EZR: variants seen among roughly 807,000 people sequenced by gnomAD.
The protein encoded by EZR is cytovillin 2.
In EZR, 40 loss-of-function variants were observed where a neutral mutation model predicts 74.8. The observed-to-expected ratio is 0.53, with a 90% CI of 0.42 to 0.70. The LOEUF (loss-of-function observed/expected upper bound fraction) is 0.70. Ranked by LOEUF, EZR falls within the 30% of genes least tolerant of loss-of-function variation. The pLI is 0.00. For missense variants in EZR, 678 were observed against 755.8 expected, an observed-to-expected ratio of 0.90 and a Z score of 1.21; for synonymous variants, 341 against 283.3, an observed-to-expected ratio of 1.20 and a Z score of -2.05.
rs546011909 is a variant in EZR, at chr6:158,783,639, C to T, written c.579G>A (p.Lys193=). ...CATACATTTCCAGGTCCTGAGCAATCTTCAGGTATTCCAACATAGCATTAT... is the reference window on the plus strand; with the variant it reads ...CATACATTTCCAGGTCCTGAGCAATTTTCAGGTATTCCAACATAGCATTAT... ...LKDNAMLEYL[K]IAQDLEMYGI... is the part of the protein sequence containing the mutation. The change falls in exon 7 of 14, where the codon AAG becomes AAA. Residue 193 remains lysine (K), a synonymous_variant. Transcript: ENST00000367075. 12 of 1,613,870 alleles carry T rather than the reference C, an allele frequency of 7.4e-6. No individual in the cohort carries two copies. The highest frequency in any genetic ancestry group is 1.6e-4 in the Middle Eastern group (1 of 6,062).
intron 10 of EZR, among the ~76,000 whole-genome samples, chr6:158,770,370 G>T (rs1210442519): frequency 6.6e-6 from 1 of 152,152 alleles, no homozygotes; most frequent in South Asian, 2.1e-4. Context: ...AGCTGTGCTG[G>T]GAAGTCTGGC....
At position 158,766,977 on chromosome 6, in the gene EZR, C is replaced by T. The variant is rs767187886; in HGVS notation, c.1698G>A (p.Lys566=). The T allele has an allele frequency of 2.5e-6, 4 of 1,614,218 alleles. No homozygotes were observed. In the South Asian group the frequency reaches 4.4e-5, roughly 18 times the overall value. Residue 566 remains lysine (K), a synonymous_variant, in exon 14 of 14, where the codon AAG becomes AAA. Transcript: ENST00000367075. ...TGCCCTGCCGGATCTGCCGCAGCGT[C>T]TTGTACTTGTCCCGGCCTTGCCTCA... ...ENMRQGRDKY[K]TLRQIRQGNT...
At position 158,766,525 on chromosome 6, in the gene EZR, G is replaced by A. The variant is rs556142898; in HGVS notation, c.*389C>T. 5.1e-4 allele frequency: 89 copies of A among 173,786 alleles called. 1 individual carries two copies. Among genetic ancestry groups the A allele is most frequent in the South Asian group, 1.7e-3 (9 of 5,388 alleles). 10.8% of individuals were successfully genotyped at this position (173,786 alleles called of 1,614,324 possible). On this transcript the variant is annotated 3_prime_UTR_variant, in exon 14 of 14. Transcript: ENST00000367075. ...TAAAAAATCAATTTGAGCTCATTTC[G>A]AATACAGAACAAGTATGGCACAGAT...
chr6:158,779,708 C>A (rs918452914), intron 7 of EZR, among the ~76,000 whole-genome samples: 1 of 152,118 alleles, frequency 6.6e-6, no homozygotes, highest in African/African-American at 2.4e-5. Context: ...GGACCACAGG[C>A]ATGCACCACC....
intron 6 of EZR, among the ~76,000 whole-genome samples, 200 bp downstream of exon 6, chr6:158,784,444 G>A (rs533490376): frequency 1.3e-5 from 2 of 152,198 alleles, no homozygotes; most frequent in Non-Finnish European, 2.9e-5. Context: ...GAGCTAAACT[G>A]CTTCTTTCCC....
At chr6:158,794,717 T>C (rs1190403552) in intron 2 of EZR, among the ~76,000 whole-genome samples, 1 of 152,078 alleles carries the variant, frequency 6.6e-6, no homozygotes, top group African/African-American at 2.4e-5. Flanking sequence ...GGTGTGTGTA[T>C]AGTAAGCAGT....
chr6:158,805,568 T>G (rs1199035313), intron 2 of EZR, among the ~76,000 whole-genome samples: 1 of 152,112 alleles, frequency 6.6e-6, no homozygotes, highest in African/African-American at 2.4e-5. Context: ...TTGCCATGTG[T>G]CAAAAATTAG....
At chr6:158,803,568 T>A (rs1030408856) in intron 2 of EZR, among the ~76,000 whole-genome samples, 4 of 7,632 alleles carry the variant, frequency 5.2e-4, no homozygotes, top group Admixed American at 2.3e-3. Context: ...TATATATATA[T>A]ATATATATAT....
At chr6:158,776,891 G>C (rs970722992) in intron 7 of EZR, among the ~76,000 whole-genome samples, 2 of 152,094 alleles carry the variant, frequency 1.3e-5, no homozygotes. Flanking sequence ...TCCTGCCAGA[G>C]CCCACTCTCA....
rs550560192 is a variant in EZR, at chr6:158,771,216, C to G, written c.959+28G>C. On this transcript the variant is annotated intron_variant, in intron 9 of 13. Coordinates refer to ENST00000367075, the MANE Select transcript of EZR (RefSeq NM_001111077.2). ...GTGGCTGAGTTGGGAGAACACAGGC[C>G]CCCCCCACTCTGGCCTCACGCGCTC... 6.3e-5 allele frequency: 99 copies of G among 1,583,828 alleles called. No homozygotes were observed. The African/African-American group carries it at 7.7e-4, about 12-fold the overall frequency.
intron 2 of EZR, among the ~76,000 whole-genome samples, chr6:158,798,960 C>T (rs1302734247): frequency 6.6e-6 from 1 of 152,144 alleles, no homozygotes; most frequent in Non-Finnish European, 1.5e-5. Context: ...CAACCCAGCA[C>T]TCTAATTACA....
chr6:158,797,778 G>A (rs148244573), intron 2 of EZR, among the ~76,000 whole-genome samples: 1 of 152,286 alleles, frequency 6.6e-6, no homozygotes, highest in East Asian at 1.9e-4. Context: ...AGACAAAACT[G>A]TATATTTTTC....
rs574523570 is a variant in EZR, at chr6:158,818,098, G to A, written c.-5C>T. 16 of 1,608,236 alleles carry A rather than the reference G, an allele frequency of 9.9e-6. No homozygotes were observed. Among genetic ancestry groups the A allele is most frequent in the Middle Eastern group, 1.7e-4 (1 of 6,022 alleles). On this transcript the variant is annotated 5_prime_UTR_variant, in exon 2 of 14. Coordinates refer to ENST00000367075, the MANE Select transcript of EZR (RefSeq NM_001111077.2). ...GCAACTTACTGGTTTCGGCATTTTC[G>A]GTTTCTGGTGAGTATCCTCGATCCC...
At chr6:158,776,323 C>A in intron 8 of EZR, 85 bp downstream of exon 8, 1 of 1,127,380 alleles carries the variant, frequency 8.9e-7, no homozygotes, top group Non-Finnish European at 1.3e-6. Flanking sequence ...TCACTGGCTA[C>A]TCGTCACAGT....
chr6:158,791,918 C>T (rs982977969), intron 2 of EZR, among the ~76,000 whole-genome samples: 5 of 151,744 alleles, frequency 3.3e-5, no homozygotes, highest in African/African-American at 1.2e-4. Context: ...CCGTGTTAGC[C>T]AGGATGGTCT....
At chr6:158,769,251 G>A in intron 12 of EZR, 75 bp downstream of exon 12, 21 of 1,325,390 alleles carry the variant, frequency 1.6e-5, no homozygotes, top group Non-Finnish European at 1.8e-5. Context: ...CCACCCACCT[G>A]CAGAAGGGCC....
At chr6:158,798,028 G>GTCTC (rs1384544029) in intron 2 of EZR, among the ~76,000 whole-genome samples, 1 of 152,204 alleles carries the variant, frequency 6.6e-6, no homozygotes. Context: ...TCTACTTTCT[G>GTCTC]TCTCTAAGGA....
chr6:158,768,377 G>A (rs1790982671), intron 12 of EZR, among the ~76,000 whole-genome samples: 1 of 126,562 alleles, frequency 7.9e-6, no homozygotes, highest in South Asian at 2.6e-4. Flanking sequence ...GTCTCAGCTT[G>A]TTCTTTATAG....
chr6:158,804,171 A>G (rs1183524996), intron 2 of EZR, among the ~76,000 whole-genome samples: 1 of 151,536 alleles, frequency 6.6e-6, no homozygotes, highest in African/African-American at 2.4e-5. Context: ...CTTTTTGGTG[A>G]GTGTCTCTAA....
Sources: allele counts gnomAD v4.1 joint callset (sites outside exome capture counted in the v4.1 genomes callset), GRCh38; gene constraint gnomAD v4.1.1; transcripts MANE v1.5; gene names NCBI Gene and HGNC (gene_info 2026-07-23, HGNC 2026-07-21).